XKR9: variants seen among roughly 807,000 people sequenced by gnomAD.
XKR9 encodes XK-related protein 9.
XKR9 carries 32 observed loss-of-function variants against 32.0 expected under a neutral mutation model. That is an observed-to-expected ratio of 1.00 (90% CI 0.76 to 1.34). The LOEUF (loss-of-function observed/expected upper bound fraction) is 1.34, where lower values mean the gene tolerates loss of function less well. Ranked by LOEUF, XKR9 falls within the 40% of genes most tolerant of loss-of-function variation. The pLI is 0.00. For synonymous variants in XKR9, 168 were observed against 143.4 expected (o/e 1.17, Z -1.22); for missense variants, 546 against 429.7 (o/e 1.27, Z -2.39).
chr8:70,800,892 G>T, the XKR9 span, among the ~76,000 whole-genome samples: 4 of 151,468 alleles, frequency 2.6e-5, no homozygotes, highest in African/African-American at 9.7e-5. Flanking sequence ...GTCTTGGGAG[G>T]TCATATGTTT....
At chr8:70,673,837 T>C (rs1196659516) in intron 1 of XKR9, among the ~76,000 whole-genome samples, 2 of 152,152 alleles carry the variant, frequency 1.3e-5, no homozygotes, top group African/African-American at 4.8e-5. Context: ...TAAGTTCCTC[T>C]CCAAGAAATC....
At chr8:70,990,154 G>T in the XKR9 span, among the ~76,000 whole-genome samples, 1 of 152,250 alleles carries the variant, frequency 6.6e-6, no homozygotes. Context: ...TACCTGCCTA[G>T]TTTCTCTCAT....
chr8:70,951,973 A>T, the XKR9 span, among the ~76,000 whole-genome samples: 1 of 152,336 alleles, frequency 6.6e-6, no homozygotes, highest in South Asian at 2.1e-4. Flanking sequence ...CTTCTGTGAT[A>T]AAACAATGTC....
At chr8:70,928,737 C>A in the XKR9 span, among the ~76,000 whole-genome samples, 7 of 152,128 alleles carry the variant, frequency 4.6e-5, no homozygotes, top group African/African-American at 1.7e-4. Context: ...TTGTCAGACT[C>A]CAAAGTTAGT....
the XKR9 span, among the ~76,000 whole-genome samples, chr8:70,957,647 C>T: frequency 3.3e-5 from 5 of 152,250 alleles, no homozygotes; most frequent in African/African-American, 1.2e-4. Context: ...TTGGTTTTCT[C>T]TTCCCGCATT....
At chr8:70,714,918 A>G (rs898447430) in intron 4 of XKR9, among the ~76,000 whole-genome samples, 2 of 152,208 alleles carry the variant, frequency 1.3e-5, no homozygotes, top group Non-Finnish European at 2.9e-5. Context: ...AAGGCATAAC[A>G]AAGGCATAGT....
At chr8:70,736,953 T>C (rs1487029599), downstream of XKR9, among the ~76,000 whole-genome samples, 2 of 152,204 alleles carry the variant, frequency 1.3e-5, no homozygotes, top group African/African-American at 2.4e-5. Context: ...CGATGCGGGC[T>C]CTTTTTTGGT....
intron 2 of XKR9, among the ~76,000 whole-genome samples, chr8:70,775,135 G>A (rs1807502135): frequency 1.3e-5 from 2 of 151,718 alleles, no homozygotes; most frequent in Non-Finnish European, 2.9e-5. Context: ...GTTTATGCTG[G>A]GATATATCAA....
At chr8:70,736,750 T>C (rs1276215906), downstream of XKR9, among the ~76,000 whole-genome samples, 1 of 152,072 alleles carries the variant, frequency 6.6e-6, no homozygotes, top group African/African-American at 2.4e-5. Context: ...CTTGTTTTTG[T>C]CAGGTTTGTC....
chr8:70,929,469 G>A, the XKR9 span, among the ~76,000 whole-genome samples: 49 of 152,256 alleles, frequency 3.2e-4, no homozygotes, highest in Non-Finnish European at 2.2e-4. Context: ...GTTTGAACTG[G>A]CTTTCCTGAA....
intron 2 of XKR9, among the ~76,000 whole-genome samples, chr8:70,778,919 T>C (rs1473693394): frequency 6.6e-6 from 1 of 152,026 alleles, no homozygotes; most frequent in Non-Finnish European, 1.5e-5. Context: ...CTTCCTTTTT[T>C]CCTAATGGAA....
At chr8:70,975,740 C>T in the XKR9 span, among the ~76,000 whole-genome samples, 1 of 152,074 alleles carries the variant, frequency 6.6e-6, no homozygotes, top group African/African-American at 2.4e-5. Flanking sequence ...TTTTTGGTTC[C>T]ATATGAACTT....
the XKR9 span, among the ~76,000 whole-genome samples, chr8:71,061,761 G>T: frequency 5.3e-5 from 8 of 152,148 alleles, no homozygotes; most frequent in Non-Finnish European, 1.0e-4. Flanking sequence ...AGAGCCATTG[G>T]TCTGAGGGAA....
At chr8:70,813,894 A>C in the XKR9 span, among the ~76,000 whole-genome samples, 185 of 152,330 alleles carry the variant, frequency 1.2e-3, no homozygotes, top group Non-Finnish European at 7.6e-4. Flanking sequence ...GCGATTCCTC[A>C]GGGATCTAGA....
the XKR9 span, among the ~76,000 whole-genome samples, chr8:70,841,689 A>C: frequency 6.6e-6 from 1 of 152,156 alleles, no homozygotes; most frequent in African/African-American, 2.4e-5. Flanking sequence ...TGTTCCTTCA[A>C]TTTGAGTTTT....
the XKR9 span, among the ~76,000 whole-genome samples, chr8:71,052,267 C>G: frequency 4.6e-5 from 7 of 152,296 alleles, no homozygotes; most frequent in African/African-American, 1.7e-4. Flanking sequence ...AGTGAGCCTG[C>G]TGTTTAGACT....
At chr8:70,811,741 G>A in the XKR9 span, among the ~76,000 whole-genome samples, 1 of 152,124 alleles carries the variant, frequency 6.6e-6, no homozygotes, top group Non-Finnish European at 1.5e-5. Context: ...ACTAAACCAG[G>A]AAGAAGTTGA....
the XKR9 span, among the ~76,000 whole-genome samples, chr8:71,009,540 T>C: frequency 8.1e-3 from 1,237 of 152,286 alleles, 18 homozygotes; most frequent in Non-Finnish European, 0.012. Flanking sequence ...CGATTGTTAC[T>C]TTTCTCTTAG....
downstream of XKR9, among the ~76,000 whole-genome samples, chr8:70,792,086 T>C (rs1441423202): frequency 6.6e-6 from 1 of 152,120 alleles, no homozygotes; most frequent in Non-Finnish European, 1.5e-5. Context: ...CAGTGTTCTT[T>C]CTTCCAAGTG....
Sources: allele counts gnomAD v4.1 joint callset (sites outside exome capture counted in the v4.1 genomes callset), GRCh38; gene constraint gnomAD v4.1.1; transcripts MANE v1.5; gene names NCBI Gene and HGNC (gene_info 2026-07-23, HGNC 2026-07-21).